The following KLHL1 variants were observed in gnomAD, a reference collection of about 807,000 sequenced individuals.
KLHL1 encodes the protein kelch-like protein 1.
Under a neutral mutation model 77.7 loss-of-function variants are expected in KLHL1, and 47 were observed. The ratio of observed to expected loss-of-function variants is 0.60; its 90% confidence interval spans 0.48 to 0.77. The LOEUF (loss-of-function observed/expected upper bound fraction) is 0.77, where lower values mean the gene tolerates loss of function less well. Among genes scored for constraint, KLHL1 ranks in the 30% least tolerant of loss-of-function variants. The pLI is 0.00. For synonymous variants in KLHL1, 360 were observed against 325.2 expected (o/e 1.11, Z -1.15); for missense variants, 925 against 910.8 (o/e 1.02, Z -0.20).
At chr13:70,039,843 A>G (rs755126666) in intron 1 of KLHL1, among the ~76,000 whole-genome samples, 1 of 151,918 alleles carries the variant, frequency 6.6e-6, no homozygotes, top group Admixed American at 6.6e-5. Flanking sequence ...TTTTCACCAT[A>G]TGGGCCAGGC....
At chr13:69,855,297 T>C (rs1008823389) in intron 5 of KLHL1, among the ~76,000 whole-genome samples, 1 of 19,046 alleles carries the variant, frequency 5.3e-5, no homozygotes, top group Non-Finnish European at 1.3e-4. Context: ...TTTAGATAGA[T>C]AGATAGATAG....
intron 5 of KLHL1, among the ~76,000 whole-genome samples, chr13:69,853,703 G>A (rs1566327549): frequency 1.3e-5 from 2 of 152,016 alleles, no homozygotes; most frequent in South Asian, 2.1e-4. Context: ...AGAACTTGCT[G>A]TATTCTTACC....
At chr13:69,943,576 C>T (rs1048156464) in intron 3 of KLHL1, among the ~76,000 whole-genome samples, 3 of 151,790 alleles carry the variant, frequency 2.0e-5, no homozygotes, top group African/African-American at 7.3e-5. Flanking sequence ...TTGTGAAATA[C>T]CATAGCAAGC....
chr13:69,730,006 T>G (rs1873470582), intron 8 of KLHL1, among the ~76,000 whole-genome samples: 5 of 152,140 alleles, frequency 3.3e-5, no homozygotes, highest in Admixed American at 3.3e-4. Flanking sequence ...GTAATCTGAA[T>G]AGTGATTTCT....
chr13:69,841,029 A>G (rs1249319669), intron 5 of KLHL1, among the ~76,000 whole-genome samples: 1 of 150,906 alleles, frequency 6.6e-6, no homozygotes, highest in Admixed American at 6.6e-5. Flanking sequence ...TCTCCTTTTC[A>G]CTCCTTTTGG....
chr13:69,795,429 A>T (rs946809965), intron 7 of KLHL1, among the ~76,000 whole-genome samples: 1 of 152,174 alleles, frequency 6.6e-6, no homozygotes, highest in African/African-American at 2.4e-5. Flanking sequence ...TCTGTCTAAC[A>T]TGTATGTTCT....
intron 5 of KLHL1, among the ~76,000 whole-genome samples, chr13:69,859,666 T>C (rs1489048554): frequency 2.6e-5 from 4 of 152,120 alleles, no homozygotes; most frequent in African/African-American, 9.6e-5. Flanking sequence ...TTATTGACAC[T>C]TTAGTGCCCT....
chr13:70,046,460 T>A (rs771908432), intron 1 of KLHL1, among the ~76,000 whole-genome samples: 10 of 152,026 alleles, frequency 6.6e-5, no homozygotes, highest in Admixed American at 2.0e-4. Flanking sequence ...CACTTCATGG[T>A]CTATTGTTTT....
chr13:70,031,152 T>C (rs1363118475), intron 1 of KLHL1, among the ~76,000 whole-genome samples: 2 of 152,166 alleles, frequency 1.3e-5, no homozygotes, highest in African/African-American at 4.8e-5. Flanking sequence ...TCCAATAAAT[T>C]GCACTGGCCA....
intron 1 of KLHL1, among the ~76,000 whole-genome samples, chr13:70,094,612 A>C (rs937168280): frequency 2.0e-5 from 3 of 152,138 alleles, no homozygotes; most frequent in Non-Finnish European, 4.4e-5. Context: ...ACCACATTGC[A>C]TACCTCCAAG....
chr13:69,736,403 T>C (rs1440905504), intron 8 of KLHL1, among the ~76,000 whole-genome samples: 1 of 152,140 alleles, frequency 6.6e-6, no homozygotes, highest in Non-Finnish European at 1.5e-5. Flanking sequence ...GATTTTGGCA[T>C]GGATGTGGTG....
At chr13:70,038,214 T>C (rs1459444787) in intron 1 of KLHL1, among the ~76,000 whole-genome samples, 2 of 152,230 alleles carry the variant, frequency 1.3e-5, no homozygotes, top group African/African-American at 4.8e-5. Flanking sequence ...TTCAGATCCA[T>C]CCAAATTGTT....
At chr13:70,090,112 TACTG>T (rs1887638160) in intron 1 of KLHL1, among the ~76,000 whole-genome samples, 1 of 152,128 alleles carries the variant, frequency 6.6e-6, no homozygotes, top group Admixed American at 6.6e-5. Flanking sequence ...AATAAGAACT[TACTG>T]AATGCATTCT....
intron 4 of KLHL1, among the ~76,000 whole-genome samples, chr13:69,915,235 A>G (rs1882386056): frequency 6.6e-6 from 1 of 152,210 alleles, no homozygotes; most frequent in African/African-American, 2.4e-5. Context: ...AGAATTGGAA[A>G]AAACTACTTT....
At chr13:69,969,727 A>G (rs1263042223) in intron 2 of KLHL1, among the ~76,000 whole-genome samples, 2 of 152,168 alleles carry the variant, frequency 1.3e-5, no homozygotes, top group Non-Finnish European at 2.9e-5. Flanking sequence ...TTTATACTGC[A>G]TTTAGATTTG....
chr13:69,999,489 C>A (rs938481196), intron 1 of KLHL1, among the ~76,000 whole-genome samples: 6 of 152,028 alleles, frequency 3.9e-5, no homozygotes, highest in Admixed American at 3.3e-4. Flanking sequence ...GTTTGACAGA[C>A]CTAATTTCAA....
At chr13:69,970,694 G>C (rs930243048) in intron 2 of KLHL1, among the ~76,000 whole-genome samples, 1 of 152,050 alleles carries the variant, frequency 6.6e-6, no homozygotes, top group Non-Finnish European at 1.5e-5. Context: ...TCCTTGCTTC[G>C]GGGTGTGACT....
intron 7 of KLHL1, among the ~76,000 whole-genome samples, chr13:69,781,783 A>T (rs1361618899): frequency 6.6e-6 from 1 of 152,126 alleles, no homozygotes; most frequent in Non-Finnish European, 1.5e-5. Context: ...GTTGTACTTT[A>T]GATTAATTTT....
chr13:70,019,539 A>G (rs935164696), intron 1 of KLHL1, among the ~76,000 whole-genome samples: 2 of 152,144 alleles, frequency 1.3e-5, no homozygotes, highest in Non-Finnish European at 2.9e-5. Flanking sequence ...CACTTATTAC[A>G]TACTCCATGC....
Sources: gnomAD v4.1 joint callset for allele counts (sites outside exome capture counted in the v4.1 genomes callset) on GRCh38, gnomAD v4.1.1 for gene constraint, MANE v1.5 for transcripts, NCBI Gene and HGNC (gene_info 2026-07-23, HGNC 2026-07-21) for gene names.